RAD23B: variants seen among roughly 807,000 people sequenced by gnomAD.
The protein encoded by RAD23B is RAD23 nucleotide excision repair protein B.
RAD23B carries 5 observed loss-of-function variants against 49.1 expected under a neutral mutation model. That is an observed-to-expected ratio of 0.10 (90% CI 0.05 to 0.21). The LOEUF (loss-of-function observed/expected upper bound fraction) is 0.21. Among genes scored for constraint, RAD23B ranks in the 10% least tolerant of loss-of-function variants. The pLI is 1.00. For missense variants in RAD23B, 356 were observed against 486.7 expected (o/e 0.73, Z 2.53); for synonymous variants, 184 against 165.4 (o/e 1.11, Z -0.86).
At chr9:107,323,504 T>G (rs952665386) in intron 7 of RAD23B, among the ~76,000 whole-genome samples, 6 of 152,178 alleles carry the variant, frequency 3.9e-5, no homozygotes, top group African/African-American at 2.4e-5. Flanking sequence ...AGTTTTTGTT[T>G]TTGTTGTGGT....
intron 8 of RAD23B, 99 bp from the exon 9 acceptor site, chr9:107,324,735 A>C (rs909642831): frequency 8.1e-7 from 1 of 1,233,872 alleles, no homozygotes; most frequent in East Asian, 2.6e-5. Flanking sequence ...ACGTTTGCAA[A>C]AGTGTAGCCT....
At position 107,323,879 on chromosome 9, in the gene RAD23B, G is replaced by A. The variant is rs746146106; in HGVS notation, c.818-11G>A. The A allele has an allele frequency of 5.0e-6, 8 of 1,598,108 alleles. No homozygotes were observed. The highest frequency in any genetic ancestry group is 2.2e-5 in the South Asian group (2 of 90,774). On this transcript the variant is annotated splice_polypyrimidine_tract_variant and intron_variant, in intron 7 of 9. Transcript: ENST00000358015. The stretch of plus-strand genomic sequence containing the variant: ...ACTGCTTTTGTTTAGAAATGTTTAT[G>A]TGTATTTTAGGACATCCCCTTGAAT...
chr9:107,305,326 G>A (rs1226048813), intron 3 of RAD23B, among the ~76,000 whole-genome samples: 1 of 152,028 alleles, frequency 6.6e-6, no homozygotes, highest in Admixed American at 6.6e-5. Context: ...AGAAAATCAC[G>A]AGAGAGAATA....
chr9:107,288,089 A>G (rs1833311616), intron 1 of RAD23B, among the ~76,000 whole-genome samples: 1 of 152,188 alleles, frequency 6.6e-6, no homozygotes. Flanking sequence ...GCAGAACAAG[A>G]TACAGGAAGA....
Position 107,322,125 on chromosome 9 carries a change from C to T in RAD23B, c.817+7C>T, listed in dbSNP as rs1587863227. On this transcript the variant is annotated splice_region_variant and intron_variant, in intron 7 of 9. Coordinates refer to ENST00000358015, the MANE Select transcript of RAD23B (RefSeq NM_002874.5). ...ACAACAACAAGTTCTGGAGGTAAAG[C>T]GGAATCTTCTGGATGGGGAGGGAAT... 10 of 1,590,982 alleles carry T rather than the reference C, an allele frequency of 6.3e-6. No individual in the cohort carries two copies. The highest frequency in any genetic ancestry group is 8.6e-6 in the Non-Finnish European group (10 of 1,168,622).
chr9:107,303,310 G>C (rs1564244482), intron 3 of RAD23B, among the ~76,000 whole-genome samples: 1 of 152,174 alleles, frequency 6.6e-6, no homozygotes, highest in Non-Finnish European at 1.5e-5. Context: ...AATAGTAATA[G>C]AAAATAGAGT....
chr9:107,296,059 T>G (rs1280402935), intron 1 of RAD23B, among the ~76,000 whole-genome samples: 1 of 152,178 alleles, frequency 6.6e-6, no homozygotes, highest in Non-Finnish European at 1.5e-5. Flanking sequence ...ACTTATAATT[T>G]TAAACATGGA....
In RAD23B at chr9:107,319,494, A is replaced by C. The variant is rs11573697; in HGVS notation, c.681+615A>C. Among the ~76,000 whole-genome samples, 670 of 152,264 alleles carry C rather than the reference A, an allele frequency of 4.4e-3. 8 individuals carry two copies. The highest frequency in any genetic ancestry group is 0.015 in the African/African-American group (626 of 41,548). Reference sequence around the variant, plus strand: ...TTATACTGTGTATATTTCTGTAATAAGTTGCCAGCTTTTTAAAAACTGGGA... The same window carrying C: ...TTATACTGTGTATATTTCTGTAATACGTTGCCAGCTTTTTAAAAACTGGGA... On this transcript the variant is annotated intron_variant, in intron 6 of 9. Transcript: ENST00000358015.
At chr9:107,288,377 T>G (rs186064278) in intron 1 of RAD23B, among the ~76,000 whole-genome samples, 7 of 152,226 alleles carry the variant, frequency 4.6e-5, no homozygotes, top group Admixed American at 1.3e-4. Flanking sequence ...TAATGGTAAG[T>G]GCTATGCAGA....
intron 9 of RAD23B, among the ~76,000 whole-genome samples, chr9:107,327,460 G>A (rs1017387128): frequency 6.6e-6 from 1 of 152,064 alleles, no homozygotes; most frequent in Non-Finnish European, 1.5e-5. Flanking sequence ...GTTTTAGTAT[G>A]TTGTATTTTT....
chr9:107,287,724 C>A (rs1260501448), intron 1 of RAD23B, among the ~76,000 whole-genome samples: 2 of 150,268 alleles, frequency 1.3e-5, no homozygotes, highest in African/African-American at 2.5e-5. Flanking sequence ...ATCCCAGCCA[C>A]TTAGGAGGCT....
At chr9:107,292,018 G>A (rs182748507) in intron 1 of RAD23B, among the ~76,000 whole-genome samples, 17 of 152,120 alleles carry the variant, frequency 1.1e-4, no homozygotes, top group Admixed American at 9.8e-4. Flanking sequence ...TTTTGCCATC[G>A]GTCTAAGGAA....
At chr9:107,290,690 A>G (rs1351194967) in intron 1 of RAD23B, among the ~76,000 whole-genome samples, 1 of 152,250 alleles carries the variant, frequency 6.6e-6, no homozygotes, top group Non-Finnish European at 1.5e-5. Flanking sequence ...TATTTAGTGA[A>G]TTGTGAAATT....
At chr9:107,300,044 T>C in intron 1 of RAD23B, 97 bp from the exon 2 acceptor site, 1 of 1,394,054 alleles carries the variant, frequency 7.2e-7, no homozygotes, top group South Asian at 1.4e-5. Flanking sequence ...CATTAATAAT[T>C]ATGTATATAA....
intron 1 of RAD23B, chr9:107,284,829 C>T: frequency 2.4e-6 from 3 of 1,228,862 alleles, no homozygotes; most frequent in Admixed American, 4.9e-5. Flanking sequence ...AACTTATTTG[C>T]TATGACCTTG....
Position 107,324,848 on chromosome 9 carries a change from C to T in RAD23B, c.960C>T (p.His320=). 1 of 1,608,498 alleles carries T rather than the reference C, an allele frequency of 6.2e-7. No homozygotes were observed. The highest frequency in any genetic ancestry group is 2.2e-5 in the East Asian group (1 of 44,794). Residue 320 remains histidine (H), a synonymous_variant, in exon 9 of 10, where the codon CAC becomes CAT. Transcript: ENST00000358015. The part of the protein sequence containing the change: ...NPQLLQQISQ[H]QEHFIQMLNE... ...TATCACCACAGCAAATTAGCCAACA[C>T]CAGGAGCATTTTATTCAGATGTTAA...
chr9:107,324,339 C>T (rs542711146), intron 8 of RAD23B, among the ~76,000 whole-genome samples: 1 of 152,230 alleles, frequency 6.6e-6, no homozygotes, highest in African/African-American at 2.4e-5. Context: ...AACTTTAAAT[C>T]ACTTTTCACA....
chr9:107,307,730 G>A (rs1826806865), intron 4 of RAD23B, among the ~76,000 whole-genome samples: 1 of 152,190 alleles, frequency 6.6e-6, no homozygotes, highest in Non-Finnish European at 1.5e-5. Context: ...AACCATGTTT[G>A]GAGGAGTCTG....
At chr9:107,305,559 A>G (rs1826744848) in intron 3 of RAD23B, among the ~76,000 whole-genome samples, 1 of 152,062 alleles carries the variant, frequency 6.6e-6, no homozygotes, top group African/African-American at 2.4e-5. Context: ...TCAAGGGTCA[A>G]CTAATTGTTT....
Sources: gnomAD v4.1 joint callset for allele counts (sites outside exome capture counted in the v4.1 genomes callset) on GRCh38, gnomAD v4.1.1 for gene constraint, MANE v1.5 for transcripts, NCBI Gene and HGNC (gene_info 2026-07-23, HGNC 2026-07-21) for gene names.